Variants in KLRG1 observed in about 807,000 individuals in gnomAD.
The protein encoded by KLRG1 is killer cell lectin like receptor G1.
A neutral mutation model predicts 21.8 loss-of-function variants in KLRG1; 16 were observed. That is an observed-to-expected ratio of 0.73 (90% confidence interval 0.50 to 1.11). The LOEUF is 1.11. KLRG1 is among the 50% of genes most tolerant of loss of function. KLRG1 has a pLI of 0.00. For synonymous variants in KLRG1, 69 were observed against 75.9 expected, an observed-to-expected ratio of 0.91 and a Z score of 0.47; for missense variants, 173 against 218.3, an observed-to-expected ratio of 0.79 and a Z score of 1.31.
At chr12:9,121,143 C>T in the KLRG1 span, among the ~76,000 whole-genome samples, 54 of 152,178 alleles carry the variant, frequency 3.5e-4, no homozygotes, top group East Asian at 8.5e-3. This position sits in a 1 kb window ranked among gnomAD's most constrained non-coding sequence, Gnocchi z 4.4. Context: ...ATCTCGGCCC[C>T]GCAAAGTGTT....
At chr12:9,123,827 TATGCC>T in the KLRG1 span, among the ~76,000 whole-genome samples, 1 of 141,902 alleles carries the variant, frequency 7.0e-6, no homozygotes, top group African/African-American at 3.0e-5. Context: ...TAATTTCCTC[TATGCC>T]TAATTCAATG....
the KLRG1 span, chr12:9,116,089 G>A: frequency 2.0e-6 from 1 of 494,818 alleles, no homozygotes; most frequent in South Asian, 1.9e-5. Context: ...AGAATCCCTG[G>A]AGGGCTAAAA....
chr12:9,063,724 T>A, the KLRG1 span, among the ~76,000 whole-genome samples: 1 of 152,166 alleles, frequency 6.6e-6, no homozygotes, highest in South Asian at 2.1e-4. Context: ...GAGCACCTGA[T>A]CATTATAATG....
chr12:9,180,204 T>A, the KLRG1 span, among the ~76,000 whole-genome samples: 1 of 152,198 alleles, frequency 6.6e-6, no homozygotes, highest in African/African-American at 2.4e-5. Flanking sequence ...TACATATGTA[T>A]ACATGTGCCA....
the KLRG1 span, among the ~76,000 whole-genome samples, chr12:9,197,579 G>T: frequency 1.1e-5 from 1 of 94,658 alleles, no homozygotes; most frequent in Non-Finnish European, 1.9e-5. Context: ...TATAATATAT[G>T]ACATAATATA....
At chr12:9,024,029 T>C in the KLRG1 span, among the ~76,000 whole-genome samples, 102 of 133,538 alleles carry the variant, frequency 7.6e-4, no homozygotes, top group Non-Finnish European at 1.3e-3. Context: ...TTTTTTTTTT[T>C]TTTTTTTTTT....
At chr12:9,068,740 C>T in the KLRG1 span, 1 of 1,593,694 alleles carries the variant, frequency 6.3e-7, no homozygotes, top group Non-Finnish European at 8.6e-7. Context: ...TCTCACTCAC[C>T]CGTCTCGTAG....
chr12:9,028,449 C>CT, the KLRG1 span, among the ~76,000 whole-genome samples: 44,763 of 144,250 alleles, frequency 0.31, 8,314 homozygotes, highest in Non-Finnish European at 0.41. Flanking sequence ...CACGCCAGGC[C>CT]TTTTTTTTTT....
the KLRG1 span, among the ~76,000 whole-genome samples, chr12:9,057,149 A>G: frequency 7.2e-5 from 11 of 152,332 alleles, no homozygotes; most frequent in African/African-American, 2.6e-4. Context: ...GACAGATTAA[A>G]CTGAAAACAA....
intron 1 of KLRG1, among the ~76,000 whole-genome samples, chr12:8,954,625 T>C (rs1230420199): frequency 6.6e-6 from 1 of 152,146 alleles, no homozygotes; most frequent in Admixed American, 6.6e-5. Context: ...GAAAATGGTA[T>C]TGAAAAACCA....
chr12:9,164,090 C>T, the KLRG1 span: 36 of 1,568,980 alleles, frequency 2.3e-5, no homozygotes, highest in East Asian at 1.6e-4. Context: ...AGACAGCCAC[C>T]GTCCTTGTTG....
chr12:8,985,179 T>C (rs1946823007), upstream of KLRG1, among the ~76,000 whole-genome samples: 1 of 152,178 alleles, frequency 6.6e-6, no homozygotes, highest in Admixed American at 6.5e-5. Context: ...GTGTTTTTTT[T>C]TTTTCGTGAA....
chr12:9,017,264 C>CAAAAAA, the KLRG1 span, among the ~76,000 whole-genome samples: 46 of 53,126 alleles, frequency 8.7e-4, no homozygotes, highest in Non-Finnish European at 1.1e-3. Flanking sequence ...AACTCCATCT[C>CAAAAAA]AAAAAAAAAA....
the KLRG1 span, chr12:9,058,437 A>G: frequency 7.2e-5 from 11 of 152,150 alleles, no homozygotes; most frequent in African/African-American, 2.7e-4. Context: ...AGAAATATTC[A>G]TATGCTCATT....
At chr12:9,188,481 C>T in the KLRG1 span, among the ~76,000 whole-genome samples, 17 of 152,210 alleles carry the variant, frequency 1.1e-4, no homozygotes, top group Admixed American at 9.2e-4. Context: ...GATGTCCTCT[C>T]TCACCACTCC....
the KLRG1 span, chr12:9,072,575 G>C: frequency 6.3e-7 from 1 of 1,599,126 alleles, no homozygotes. Context: ...CTGTCCCATT[G>C]TTTTCTGAGT....
At chr12:9,135,555 C>A in the KLRG1 span, 1 of 343,360 alleles carries the variant, frequency 2.9e-6, no homozygotes, top group South Asian at 2.9e-5. Flanking sequence ...TGGGCAGAAC[C>A]AGCCCTTCCA....
chr12:9,208,217 C>A, the KLRG1 span: 1 of 1,520,194 alleles, frequency 6.6e-7, no homozygotes, highest in African/African-American at 1.4e-5. Flanking sequence ...AAGGGAGAGA[C>A]TGAAACGCAC....
chr12:8,993,456 T>G (rs1042478542), intron 2 of KLRG1, among the ~76,000 whole-genome samples: 13 of 151,934 alleles, frequency 8.6e-5, no homozygotes, highest in Non-Finnish European at 2.9e-5. Context: ...GCCCAGCTAA[T>G]TTTTTGTATT....
Sources: allele counts gnomAD v4.1 joint callset (sites outside exome capture counted in the v4.1 genomes callset), GRCh38; gene constraint gnomAD v4.1.1; non-coding constraint Gnocchi (gnomAD v3.1); transcripts MANE v1.5; gene names NCBI Gene and HGNC (gene_info 2026-07-23, HGNC 2026-07-21).